ZMIZ1: variants seen among roughly 807,000 people sequenced by gnomAD.
ZMIZ1 encodes the protein zinc finger MIZ domain-containing protein 1.
ZMIZ1 carries 17 observed loss-of-function variants against 113.9 expected under a neutral mutation model. The observed-to-expected ratio is 0.15, with a 90% CI of 0.10 to 0.22. ZMIZ1 has a LOEUF of 0.22. ZMIZ1 is among the 10% of genes least tolerant of loss of function. The pLI is 1.00. For missense variants in ZMIZ1, 1,059 were observed against 1,477.8 expected (o/e 0.72, Z 4.65); for synonymous variants, 607 against 603.1 (o/e 1.01, Z -0.09).
chr10:79,298,351 G>A, intron 14 of ZMIZ1, 55 bp from the exon 15 acceptor site: 22 of 1,562,840 alleles, frequency 1.4e-5, no homozygotes, highest in East Asian at 7.0e-5. Flanking sequence ...CATAGCCATG[G>A]CCCCTTCTGT....
In ZMIZ1 at chr10:79,313,080, C is replaced by T. The variant is rs764748778; in HGVS notation, c.*331C>T. On this transcript the variant is annotated 3_prime_UTR_variant, in exon 25 of 25. Transcript: ENST00000334512. Reference sequence around the variant, plus strand: ...CGCTGATGCGGCTTCCCGGTCCCTCCGCGTGTGCCGATTCCAGATGACCTT... The same window carrying T: ...CGCTGATGCGGCTTCCCGGTCCCTCTGCGTGTGCCGATTCCAGATGACCTT... 88 of 309,250 alleles carry T rather than the reference C, an allele frequency of 2.8e-4. No homozygotes were observed. The East Asian group carries it at 4.0e-3, about 14-fold the overall frequency. The allele number at this position is 309,250 out of a possible 1,614,324, so 19.2% of individuals were successfully genotyped here.
At chr10:79,117,885 T>C (rs576390099) in intron 1 of ZMIZ1, among the ~76,000 whole-genome samples, 12 of 152,324 alleles carry the variant, frequency 7.9e-5, no homozygotes, top group Non-Finnish European at 1.5e-4. Flanking sequence ...CTGATCCCTC[T>C]TTTCTGAGCA....
chr10:79,151,499 G>C (rs1845707798), intron 3 of ZMIZ1, among the ~76,000 whole-genome samples: 1 of 152,212 alleles, frequency 6.6e-6, no homozygotes, highest in Admixed American at 6.5e-5. Flanking sequence ...ACACTCATCC[G>C]GTGTTGGAGC....
intron 7 of ZMIZ1, among the ~76,000 whole-genome samples, chr10:79,269,051 G>A (rs1851776976): frequency 6.6e-6 from 1 of 152,120 alleles, no homozygotes; most frequent in Non-Finnish European, 1.5e-5. Context: ...TCTAGTGGAT[G>A]TGGGAGCAGG....
intron 7 of ZMIZ1, among the ~76,000 whole-genome samples, chr10:79,256,291 C>T (rs939661060): frequency 7.2e-5 from 11 of 152,316 alleles, no homozygotes; most frequent in African/African-American, 2.4e-4. Flanking sequence ...TTCTCCATTC[C>T]CATCTCACCT....
chr10:79,075,973 T>A (rs1413138827), intron 1 of ZMIZ1, among the ~76,000 whole-genome samples: 1 of 152,206 alleles, frequency 6.6e-6, no homozygotes, highest in Non-Finnish European at 1.5e-5. Flanking sequence ...GCCTTGGATC[T>A]TCCCACTTAG....
At chr10:79,230,521 T>A (rs1411315239) in intron 7 of ZMIZ1, among the ~76,000 whole-genome samples, 3 of 152,202 alleles carry the variant, frequency 2.0e-5, no homozygotes, top group Non-Finnish European at 4.4e-5. Context: ...GCCCCAGATG[T>A]TTAGAATCAC....
intron 4 of ZMIZ1, among the ~76,000 whole-genome samples, chr10:79,175,583 CGTGTGT>C (rs757004699): frequency 0.19 from 24,241 of 125,056 alleles, 2,229 homozygotes; most frequent in Middle Eastern, 0.24. Flanking sequence ...GTGCACTCTG[CGTGTGT>C]GTGTGTGTGT....
intron 1 of ZMIZ1, among the ~76,000 whole-genome samples, chr10:79,091,217 C>CT (rs1287867334): frequency 3.4e-4 from 51 of 151,108 alleles, no homozygotes; most frequent in South Asian, 8.4e-4. Context: ...TGGCAGCTGC[C>CT]TCTTTTTTTT....
intron 1 of ZMIZ1, among the ~76,000 whole-genome samples, chr10:79,115,289 C>G (rs1483775110): frequency 6.6e-6 from 1 of 152,198 alleles, no homozygotes; most frequent in African/African-American, 2.4e-5. Context: ...TTGGAGTTCT[C>G]TCTGCTACAG....
intron 2 of ZMIZ1, among the ~76,000 whole-genome samples, chr10:79,127,476 A>G (rs1360746294): frequency 1.3e-5 from 2 of 152,068 alleles, no homozygotes; most frequent in Non-Finnish European, 2.9e-5. Context: ...CTGGAATAAT[A>G]AAGCAGCCAC....
At chr10:79,151,834 G>T (rs1355067048) in intron 3 of ZMIZ1, among the ~76,000 whole-genome samples, 1 of 152,208 alleles carries the variant, frequency 6.6e-6, no homozygotes, top group Non-Finnish European at 1.5e-5. Context: ...TGTGAGCCAG[G>T]GTGGGGGCAT....
intron 7 of ZMIZ1, among the ~76,000 whole-genome samples, chr10:79,247,442 C>T (rs1850275779): frequency 6.6e-6 from 1 of 152,208 alleles, no homozygotes. Context: ...GAGTACTGGG[C>T]GTGAGGACCC....
At chr10:79,080,492 A>G (rs1326584098) in intron 1 of ZMIZ1, among the ~76,000 whole-genome samples, 2 of 151,858 alleles carry the variant, frequency 1.3e-5, no homozygotes, top group Non-Finnish European at 2.9e-5. Flanking sequence ...TATTTTTAGT[A>G]GAGACGGGGT....
At chr10:79,156,732 C>T (rs981827121) in intron 3 of ZMIZ1, among the ~76,000 whole-genome samples, 6 of 152,180 alleles carry the variant, frequency 3.9e-5, no homozygotes, top group African/African-American at 1.4e-4. Flanking sequence ...CTTGGGCAGC[C>T]CCGCCCAGGA....
In ZMIZ1 at chr10:79,069,075, G is replaced by T; in HGVS notation, c.-532G>T. On this transcript the variant is annotated 5_prime_UTR_variant, in exon 1 of 25. Coordinates refer to ENST00000334512, the MANE Select transcript of ZMIZ1 (RefSeq NM_020338.4). The surrounding 1 kb of genome is among the most constrained non-coding windows in gnomAD (Gnocchi z 4.6). Reference sequence around the variant, plus strand: ...GCGGGCGGCCGGGCGGCAGGCGGGCGAGCAGCGATCGGGCGGCCGAGCGAG... The same window carrying T: ...GCGGGCGGCCGGGCGGCAGGCGGGCTAGCAGCGATCGGGCGGCCGAGCGAG... 1 of 151,144 alleles carries T rather than the reference G, an allele frequency of 6.6e-6. No homozygotes were observed. Among genetic ancestry groups the T allele is most frequent in the South Asian group, 1.8e-4 (1 of 5,578 alleles). 9.4% of individuals were successfully genotyped at this position (151,144 alleles called of 1,614,324 possible). A position where few individuals can be genotyped will look rare whatever the true frequency, so the allele number is the denominator to read the frequency against.
intron 7 of ZMIZ1, among the ~76,000 whole-genome samples, chr10:79,261,187 G>A (rs572767445): frequency 3.3e-5 from 5 of 152,334 alleles, no homozygotes; most frequent in East Asian, 1.9e-4. Context: ...CCGGGTGGTC[G>A]GGTTTTTGAC....
intron 6 of ZMIZ1, among the ~76,000 whole-genome samples, chr10:79,212,357 G>A (rs1180882846): frequency 6.6e-6 from 1 of 151,990 alleles, no homozygotes; most frequent in Non-Finnish European, 1.5e-5. Context: ...TTTTCTTAAA[G>A]GTGGGGCCTT....
chr10:79,139,089 G>A (rs1845146168), intron 2 of ZMIZ1, among the ~76,000 whole-genome samples: 1 of 152,218 alleles, frequency 6.6e-6, no homozygotes, highest in African/African-American at 2.4e-5. Flanking sequence ...AGCCAGCCCT[G>A]AACCTTGTAG....
Sources: allele counts gnomAD v4.1 joint callset (sites outside exome capture counted in the v4.1 genomes callset), GRCh38; gene constraint gnomAD v4.1.1; non-coding constraint Gnocchi (gnomAD v3.1); transcripts MANE v1.5; gene names NCBI Gene and HGNC (gene_info 2026-07-23, HGNC 2026-07-21).